Variants in UST observed in about 807,000 individuals in gnomAD.
UST encodes uronyl 2-sulfotransferase.
A neutral mutation model predicts 45.6 loss-of-function variants in UST; 21 were observed. The observed-to-expected ratio is 0.46, with a 90% CI of 0.33 to 0.66. The LOEUF (loss-of-function observed/expected upper bound fraction) is 0.66. Ranked by LOEUF, UST falls within the 30% of genes least tolerant of loss-of-function variation. UST has a pLI of 0.02. For synonymous variants in UST, 215 were observed against 200.6 expected, an observed-to-expected ratio of 1.07 and a Z score of -0.61; for missense variants, 463 against 512.4, an observed-to-expected ratio of 0.90 and a Z score of 0.93.
intron 1 of UST, among the ~76,000 whole-genome samples, chr6:148,822,523 T>C (rs763358725): frequency 1.3e-5 from 2 of 152,170 alleles, no homozygotes; most frequent in Non-Finnish European, 2.9e-5. Context: ...ACTGAATGTA[T>C]AGAAAGAGAA....
intron 1 of UST, among the ~76,000 whole-genome samples, chr6:148,814,556 T>C (rs1777321560): frequency 6.6e-6 from 1 of 152,120 alleles, no homozygotes; most frequent in Non-Finnish European, 1.5e-5. Flanking sequence ...GCCTGAACTC[T>C]GTGTGTGACA....
intron 5 of UST, among the ~76,000 whole-genome samples, chr6:148,997,424 A>G (rs1029033944): frequency 4.6e-5 from 7 of 152,210 alleles, no homozygotes; most frequent in South Asian, 4.1e-4. Flanking sequence ...ACACAGTCCA[A>G]GAAGCTTTAG....
At chr6:149,069,111 T>A (rs1301869188) in intron 7 of UST, among the ~76,000 whole-genome samples, 1 of 152,240 alleles carries the variant, frequency 6.6e-6, no homozygotes, top group Non-Finnish European at 1.5e-5. Flanking sequence ...CCATTGTGTA[T>A]AATACCACAT....
At chr6:148,979,067 C>T (rs1781079492) in intron 5 of UST, among the ~76,000 whole-genome samples, 1 of 152,076 alleles carries the variant, frequency 6.6e-6, no homozygotes, top group South Asian at 2.1e-4. Flanking sequence ...TATTAACACC[C>T]CTCGGCCCCG....
intron 2 of UST, among the ~76,000 whole-genome samples, chr6:148,898,816 G>A (rs1290781171): frequency 6.6e-6 from 1 of 152,148 alleles, no homozygotes; most frequent in East Asian, 1.9e-4. Context: ...TGTTCACCAA[G>A]CCTTATCCAG....
chr6:148,817,472 A>T (rs866091978), intron 1 of UST, among the ~76,000 whole-genome samples: 2 of 152,124 alleles, frequency 1.3e-5, no homozygotes, highest in Admixed American at 6.5e-5. Flanking sequence ...GCTTGGTTTT[A>T]TACATTTAGG....
intron 1 of UST, among the ~76,000 whole-genome samples, chr6:148,853,263 G>C (rs569145427): frequency 4.6e-5 from 7 of 152,150 alleles, no homozygotes; most frequent in African/African-American, 1.7e-4. Flanking sequence ...CTTCATCCAT[G>C]TCCCTGCAAA....
At chr6:149,043,211 T>C (rs1385705791) in intron 7 of UST, among the ~76,000 whole-genome samples, 3 of 151,596 alleles carry the variant, frequency 2.0e-5, no homozygotes, top group Non-Finnish European at 4.4e-5. Context: ...TGGGACCAAA[T>C]TCTGTCCTCC....
intron 5 of UST, among the ~76,000 whole-genome samples, chr6:149,006,920 T>C (rs1047421774): frequency 6.6e-6 from 1 of 152,228 alleles, no homozygotes; most frequent in African/African-American, 2.4e-5. Flanking sequence ...TGGTATGTTA[T>C]GCTCATTTAT....
At chr6:148,894,954 A>G (rs1408617957) in intron 2 of UST, among the ~76,000 whole-genome samples, 2 of 151,160 alleles carry the variant, frequency 1.3e-5, no homozygotes, top group Non-Finnish European at 2.9e-5. Context: ...AGTAGCTGGG[A>G]CTACAGGTGT....
intron 1 of UST, among the ~76,000 whole-genome samples, chr6:148,825,720 A>T (rs1449908000): frequency 1.3e-5 from 2 of 152,228 alleles, no homozygotes; most frequent in African/African-American, 2.4e-5. Context: ...AGCTGCCTTT[A>T]TGCCCAAAGG....
At chr6:149,055,439 C>A (rs10457840) in intron 7 of UST, among the ~76,000 whole-genome samples, 23,271 of 152,066 alleles carry the variant, frequency 0.15, 1,893 homozygotes, top group South Asian at 0.17. Flanking sequence ...ACAGCTTTTC[C>A]ATTTGTTGAC....
chr6:148,860,072 A>G (rs1207906688), intron 1 of UST, among the ~76,000 whole-genome samples: 1 of 152,218 alleles, frequency 6.6e-6, no homozygotes, highest in Non-Finnish European at 1.5e-5. Flanking sequence ...TTGAATCTAC[A>G]AATTACCTTG....
chr6:149,052,331 T>C (rs958235687), intron 7 of UST, among the ~76,000 whole-genome samples: 1 of 152,242 alleles, frequency 6.6e-6, no homozygotes, highest in Admixed American at 6.5e-5. Context: ...GTTGTTATTA[T>C]ATTTAACACT....
intron 4 of UST, among the ~76,000 whole-genome samples, chr6:148,954,238 T>C (rs1002862203): frequency 1.3e-5 from 2 of 152,160 alleles, no homozygotes. Context: ...TTGAAACAAA[T>C]AAGAAGGCAG....
intron 7 of UST, among the ~76,000 whole-genome samples, chr6:149,067,374 C>A (rs1177842546): frequency 1.3e-5 from 2 of 152,194 alleles, no homozygotes; most frequent in African/African-American, 4.8e-5. Flanking sequence ...TCTCCAATGG[C>A]CTTCAATTTG....
intron 4 of UST, among the ~76,000 whole-genome samples, chr6:148,963,774 G>A (rs1233482895): frequency 6.6e-6 from 1 of 152,202 alleles, no homozygotes; most frequent in Non-Finnish European, 1.5e-5. Flanking sequence ...GTTTCCCCAA[G>A]TGTAAATGAG....
At chr6:148,757,322 C>T (rs550687133) in intron 1 of UST, among the ~76,000 whole-genome samples, 8 of 152,366 alleles carry the variant, frequency 5.3e-5, no homozygotes, top group African/African-American at 1.9e-4. Context: ...TGTTACTTGT[C>T]ATTTTCTGAA....
intron 5 of UST, among the ~76,000 whole-genome samples, chr6:148,987,038 C>G (rs1268460815): frequency 6.6e-6 from 1 of 152,334 alleles, no homozygotes; most frequent in East Asian, 1.9e-4. Context: ...CTTTCTGAAT[C>G]TTACATTTTA....
Sources: gnomAD v4.1 joint callset for allele counts (sites outside exome capture counted in the v4.1 genomes callset) on GRCh38, gnomAD v4.1.1 for gene constraint, MANE v1.5 for transcripts, NCBI Gene and HGNC (gene_info 2026-07-23, HGNC 2026-07-21) for gene names.